DOCK9: variants seen among roughly 807,000 people sequenced by gnomAD.
The protein encoded by DOCK9 is dedicator of cytokinesis protein 9.
Under a neutral mutation model 263.3 loss-of-function variants are expected in DOCK9, and 89 were observed. That is an observed-to-expected ratio of 0.34 (90% CI 0.28 to 0.40). DOCK9 has a LOEUF of 0.40. DOCK9 is among the 10% of genes least tolerant of loss of function. The pLI is 1.00. For synonymous variants in DOCK9, 976 were observed against 973.1 expected, an observed-to-expected ratio of 1.00 and a Z score of -0.06; for missense variants, 2,140 against 2,603.4, an observed-to-expected ratio of 0.82 and a Z score of 3.87.
chr13:98,871,653 T>C (rs1419815723), intron 27 of DOCK9: 1 of 152,226 alleles, frequency 6.6e-6, no homozygotes, highest in Non-Finnish European at 1.5e-5. Flanking sequence ...TGATAGAGGC[T>C]TGGAGAAGAG....
chr13:98,908,996 T>TTAAAA (rs2049565653), intron 9 of DOCK9, among the ~76,000 whole-genome samples: 1 of 152,232 alleles, frequency 6.6e-6, no homozygotes, highest in Non-Finnish European at 1.5e-5. Context: ...AGCTCTGCTC[T>TTAAAA]TAAAATAACC....
chr13:98,883,951 C>A (rs572825773), intron 21 of DOCK9, 52 bp from the exon 22 acceptor site: 2 of 1,352,668 alleles, frequency 1.5e-6, no homozygotes, highest in Non-Finnish European at 2.1e-6. Flanking sequence ...TATTTTGGCT[C>A]TAACATGATC....
intron 1 of DOCK9, among the ~76,000 whole-genome samples, chr13:98,989,297 G>C (rs972389740): frequency 6.7e-6 from 1 of 148,532 alleles, no homozygotes; most frequent in African/African-American, 2.5e-5. Flanking sequence ...GTCATTTTGG[G>C]AGCTTGAAAA....
At chr13:99,054,781 T>C (rs927322135) in intron 1 of DOCK9, among the ~76,000 whole-genome samples, 1 of 152,212 alleles carries the variant, frequency 6.6e-6, no homozygotes, top group African/African-American at 2.4e-5. Context: ...ACAAGCACCA[T>C]CAGGCTGAAG....
intron 2 of DOCK9, among the ~76,000 whole-genome samples, chr13:98,954,833 CCAGA>C (rs916457790): frequency 1.3e-5 from 2 of 148,972 alleles, no homozygotes; most frequent in African/African-American, 4.9e-5. Flanking sequence ...CTAAATCAGC[CCAGA>C]CAGAGTATAG....
intron 43 of DOCK9, among the ~76,000 whole-genome samples, chr13:98,828,175 C>T (rs2092619787): frequency 2.0e-5 from 3 of 152,342 alleles, no homozygotes; most frequent in Admixed American, 2.0e-4. Flanking sequence ...CAAGGACATT[C>T]GGAGATGTGG....
At chr13:99,003,926 C>G (rs1474404783) in intron 1 of DOCK9, among the ~76,000 whole-genome samples, 2 of 152,178 alleles carry the variant, frequency 1.3e-5, no homozygotes, top group African/African-American at 4.8e-5. Context: ...TCCAACAAGA[C>G]CCACCATGAT....
intron 3 of DOCK9, among the ~76,000 whole-genome samples, chr13:98,928,701 T>C (rs1233072270): frequency 2.0e-5 from 3 of 152,348 alleles, no homozygotes; most frequent in East Asian, 1.9e-4. Flanking sequence ...ACAGTAGCCA[T>C]AGGCAATATG....
chr13:98,837,323 A>G (rs1476821532), intron 39 of DOCK9, among the ~76,000 whole-genome samples, 171 bp downstream of exon 39: 1 of 152,186 alleles, frequency 6.6e-6, no homozygotes, highest in Non-Finnish European at 1.5e-5. Flanking sequence ...CAAGCCATTC[A>G]CTGTGGAATG....
rs1479874231 is a variant in DOCK9, at chr13:98,825,737, C to T, written c.5023+1093G>A. On this transcript the variant is annotated intron_variant, in intron 44 of 52. Transcript: ENST00000682017. The surrounding 1 kb of genome is among the most constrained non-coding windows in gnomAD (Gnocchi z 4.1). ...GTGCCCACAGGAATAGACCAGCCAA[C>T]CAGAGAGCCACAGAGTAGGAGGGAA... The T allele has an allele frequency of 1.8e-6, 1 of 545,924 alleles. No individual in the cohort carries two copies. Among genetic ancestry groups the T allele is most frequent in the Non-Finnish European group, 3.0e-6 (1 of 333,156 alleles). The allele number at this position is 545,924 out of a possible 1,614,324, so 33.8% of individuals were successfully genotyped here. A position where few individuals can be genotyped will look rare whatever the true frequency, so the allele number is the denominator to read the frequency against.
At position 98,805,214 on chromosome 13, in the gene DOCK9, A is replaced by G; in HGVS notation, c.5515-5T>C. 1 of 1,585,394 alleles carries G rather than the reference A, an allele frequency of 6.3e-7. No homozygotes were observed. The highest frequency in any genetic ancestry group is 8.6e-7 in the Non-Finnish European group (1 of 1,163,760). On this transcript the variant is annotated splice_polypyrimidine_tract_variant and splice_region_variant and intron_variant, in intron 48 of 52. Coordinates refer to ENST00000682017, the MANE Select transcript of DOCK9 (RefSeq NM_001366683.2). ...ATCCAGATCCTTAGGGTTGACCTTTAATTGAAACAGCACAATGGGAGATTG... is the reference window on the plus strand; with the variant it reads ...ATCCAGATCCTTAGGGTTGACCTTTGATTGAAACAGCACAATGGGAGATTG...
intron 1 of DOCK9, among the ~76,000 whole-genome samples, chr13:99,061,299 A>G (rs959140525): frequency 6.6e-6 from 1 of 152,138 alleles, no homozygotes; most frequent in Non-Finnish European, 1.5e-5. Flanking sequence ...CTCCTCCCCC[A>G]AAAAAACATT....
chr13:98,940,117 C>A lies in DOCK9; in HGVS notation c.244-9860G>T, dbSNP rs537586569. Among the ~76,000 whole-genome samples the A allele has an allele frequency of 6.6e-5, 10 of 152,242 alleles. No individual in the cohort carries two copies. In the East Asian group the frequency reaches 1.5e-3, roughly 24 times the overall value. On this transcript the variant is annotated intron_variant, in intron 2 of 52. Transcript: ENST00000682017. ...CTTGCTTTTTGAGAGGATTCAGTAC[C>A]AAGCTAGACTGGAAACTAAAATTTA...
intron 1 of DOCK9, among the ~76,000 whole-genome samples, chr13:98,967,318 G>A (rs982230945): frequency 6.6e-6 from 1 of 152,214 alleles, no homozygotes; most frequent in Non-Finnish European, 1.5e-5. Context: ...GTTATGTGTA[G>A]TTCACATTCA....
At chr13:98,935,669 G>C (rs1345015172) in intron 2 of DOCK9, among the ~76,000 whole-genome samples, 1 of 152,226 alleles carries the variant, frequency 6.6e-6, no homozygotes, top group Non-Finnish European at 1.5e-5. Flanking sequence ...TTGGGAGGCT[G>C]AGGCACGAGA....
chr13:98,915,251 T>G, intron 8 of DOCK9, 78 bp downstream of exon 8: 4 of 1,430,682 alleles, frequency 2.8e-6, no homozygotes, highest in Non-Finnish European at 3.8e-6. Flanking sequence ...AACACAGGTC[T>G]CCTTCTTATA....
intron 15 of DOCK9, among the ~76,000 whole-genome samples, chr13:98,889,653 A>G (rs2046318455): frequency 6.6e-6 from 1 of 152,204 alleles, no homozygotes; most frequent in East Asian, 1.9e-4. Context: ...GCATAGTGAA[A>G]TTCACCTCCC....
chr13:99,082,748 C>G (rs2042178261), intron 1 of DOCK9, among the ~76,000 whole-genome samples: 2 of 152,040 alleles, frequency 1.3e-5, no homozygotes, highest in African/African-American at 4.8e-5. Flanking sequence ...ACCCACATAG[C>G]TCAATTAATC....
chr13:98,913,192 G>A (rs1214374994), intron 9 of DOCK9, among the ~76,000 whole-genome samples: 1 of 152,124 alleles, frequency 6.6e-6, no homozygotes, highest in Non-Finnish European at 1.5e-5. Context: ...CTGAATGCTG[G>A]TCTATTTATA....
Sources: gnomAD v4.1 joint callset for allele counts (sites outside exome capture counted in the v4.1 genomes callset) on GRCh38, gnomAD v4.1.1 for gene constraint, Gnocchi (gnomAD v3.1) non-coding constraint, MANE v1.5 for transcripts, NCBI Gene and HGNC (gene_info 2026-07-23, HGNC 2026-07-21) for gene names.